NRXN3: variants seen among roughly 807,000 people sequenced by gnomAD.
NRXN3 encodes neurexin 3.
Under a neutral mutation model 137.6 loss-of-function variants are expected in NRXN3, and 32 were observed. That is an observed-to-expected ratio of 0.23 (90% CI 0.18 to 0.31). NRXN3 has a LOEUF of 0.31. Ranked by LOEUF, NRXN3 falls within the 10% of genes least tolerant of loss-of-function variation. The probability of loss-of-function intolerance (pLI) is 1.00; values close to 1 mark genes in which losing one functional copy is unlikely to be tolerated. For synonymous variants in NRXN3, 798 were observed against 784.5 expected, an observed-to-expected ratio of 1.02 and a Z score of -0.29; for missense variants, 1,574 against 2,062.5, an observed-to-expected ratio of 0.76 and a Z score of 4.59.
intron 15 of NRXN3, among the ~76,000 whole-genome samples, chr14:79,289,434 A>G (rs1426903027): frequency 1.3e-5 from 2 of 152,100 alleles, no homozygotes; most frequent in Non-Finnish European, 2.9e-5. Context: ...AGCCTGGCCA[A>G]CGTGGTGAAA....
chr14:78,635,035 A>G (rs2152547031), intron 4 of NRXN3, among the ~76,000 whole-genome samples: 1 of 152,346 alleles, frequency 6.6e-6, no homozygotes, highest in Non-Finnish European at 1.5e-5. Context: ...TTTTAGGATC[A>G]GAAAGCATTT....
chr14:79,703,855 C>A (rs2098765028), intron 19 of NRXN3, among the ~76,000 whole-genome samples: 1 of 152,102 alleles, frequency 6.6e-6, no homozygotes, highest in South Asian at 2.1e-4. Context: ...GTGTGAAAAG[C>A]ACCCCATAAC....
At chr14:79,268,678 T>C (rs142516714) in intron 15 of NRXN3, among the ~76,000 whole-genome samples, 37 of 152,326 alleles carry the variant, frequency 2.4e-4, no homozygotes, top group African/African-American at 8.4e-4. Context: ...AGAATAGTAA[T>C]GCCATTTAGA....
chr14:78,531,705 C>G lies in NRXN3; in HGVS notation c.758-113415C>G, dbSNP rs79374969. Among the ~76,000 whole-genome samples, 850 of 152,102 alleles carry G rather than the reference C, an allele frequency of 5.6e-3. 44 individuals are homozygous for G. The East Asian group carries it at 0.094, about 17-fold the overall frequency. On this transcript the variant is annotated intron_variant, in intron 4 of 20. Coordinates refer to ENST00000335750, the MANE Select transcript of NRXN3 (RefSeq NM_001330195.2). ...ACCCTCCATGAGATTGGAAGGAGTT[C>G]CATTAAGTGATAGATAAAGATGTAG...
chr14:79,688,482 A>C (rs1193303855), intron 17 of NRXN3, among the ~76,000 whole-genome samples: 1 of 152,154 alleles, frequency 6.6e-6, no homozygotes, highest in South Asian at 2.1e-4. Flanking sequence ...GTTATACAAG[A>C]GTTCTATTTT....
At chr14:78,585,189 T>C (rs2097050189) in intron 4 of NRXN3, among the ~76,000 whole-genome samples, 1 of 151,496 alleles carries the variant, frequency 6.6e-6, no homozygotes, top group South Asian at 2.1e-4. Flanking sequence ...GCCTCAATGT[T>C]GAAGTAGTAT....
chr14:78,772,160 G>C (rs2098730380), intron 8 of NRXN3, among the ~76,000 whole-genome samples: 1 of 152,142 alleles, frequency 6.6e-6, no homozygotes, highest in African/African-American at 2.4e-5. Context: ...TTGGACTTCA[G>C]AGTTTCAAAT....
chr14:79,046,015 T>C (rs2099632587), intron 15 of NRXN3, among the ~76,000 whole-genome samples: 1 of 152,246 alleles, frequency 6.6e-6, no homozygotes. Flanking sequence ...GATGTGATTG[T>C]ATGAATGTAT....
chr14:78,746,726 CAG>C (rs2098609301), intron 8 of NRXN3, among the ~76,000 whole-genome samples: 1 of 152,188 alleles, frequency 6.6e-6, no homozygotes, highest in Admixed American at 6.5e-5. Flanking sequence ...TCTACTTGTG[CAG>C]AGAGTTTGCA....
intron 15 of NRXN3, among the ~76,000 whole-genome samples, chr14:79,449,604 G>A (rs994587262): frequency 1.3e-5 from 2 of 152,098 alleles, no homozygotes; most frequent in African/African-American, 2.4e-5. Flanking sequence ...TATATGATTT[G>A]CTATTTTATA....
At chr14:78,672,314 A>G (rs932448174) in intron 6 of NRXN3, among the ~76,000 whole-genome samples, 2 of 152,234 alleles carry the variant, frequency 1.3e-5, no homozygotes, top group Admixed American at 1.3e-4. Flanking sequence ...CCAAGGGACA[A>G]GCAAAGGCAT....
chr14:79,848,311 A>C (rs1430785049), intron 20 of NRXN3, among the ~76,000 whole-genome samples: 1 of 152,214 alleles, frequency 6.6e-6, no homozygotes, highest in Non-Finnish European at 1.5e-5. Context: ...GGACTTCTAT[A>C]TGCAGATAGT....
intron 20 of NRXN3, among the ~76,000 whole-genome samples, chr14:79,823,294 GTATT>G (rs751891197): frequency 6.6e-6 from 1 of 151,978 alleles, no homozygotes. Flanking sequence ...AATTTACTGA[GTATT>G]TATTGGAAAT....
chr14:78,352,012 G>A (rs1303668015), intron 4 of NRXN3, among the ~76,000 whole-genome samples: 3 of 150,738 alleles, frequency 2.0e-5, no homozygotes, highest in Non-Finnish European at 4.4e-5. Context: ...GGTTGAATCC[G>A]GGAGGCAGAG....
At chr14:79,353,061 T>G (rs866492303) in intron 15 of NRXN3, among the ~76,000 whole-genome samples, 1 of 152,130 alleles carries the variant, frequency 6.6e-6, no homozygotes, top group Admixed American at 6.6e-5. Context: ...ACAATGTTGT[T>G]TTTTGGTAAG....
At chr14:78,912,841 A>G (rs2099243017) in intron 10 of NRXN3, among the ~76,000 whole-genome samples, 1 of 152,132 alleles carries the variant, frequency 6.6e-6, no homozygotes, top group Non-Finnish European at 1.5e-5. Context: ...GAAATTAAGG[A>G]CCTAACCAAG....
intron 4 of NRXN3, among the ~76,000 whole-genome samples, chr14:78,449,668 T>C (rs2153704540): frequency 6.6e-6 from 1 of 152,358 alleles, no homozygotes; most frequent in East Asian, 1.9e-4. Context: ...GGCATGAGCA[T>C]TAATATCTCC....
intron 15 of NRXN3, among the ~76,000 whole-genome samples, chr14:79,188,778 A>T (rs1209177057): frequency 6.6e-6 from 1 of 152,236 alleles, no homozygotes; most frequent in Non-Finnish European, 1.5e-5. Context: ...CAAAAAACAC[A>T]TGAAAAAGTG....
intron 10 of NRXN3, among the ~76,000 whole-genome samples, chr14:78,901,295 ATTCT>A (rs2099195449): frequency 6.6e-6 from 1 of 151,244 alleles, no homozygotes; most frequent in South Asian, 2.1e-4. Flanking sequence ...ATTGTCTTTT[ATTCT>A]TTCTTTTTTC....
Sources: allele counts gnomAD v4.1 joint callset (sites outside exome capture counted in the v4.1 genomes callset), GRCh38; gene constraint gnomAD v4.1.1; transcripts MANE v1.5; gene names NCBI Gene and HGNC (gene_info 2026-07-23, HGNC 2026-07-21).